OLFM3: variants seen among roughly 807,000 people sequenced by gnomAD.
The protein encoded by OLFM3 is olfactomedin 3.
OLFM3 carries 20 observed loss-of-function variants against 48.6 expected under a neutral mutation model. The observed-to-expected ratio is 0.41, with a 90% CI of 0.29 to 0.60. The LOEUF (loss-of-function observed/expected upper bound fraction) is 0.60. OLFM3 is among the 20% of genes least tolerant of loss of function. The probability of loss-of-function intolerance (pLI) is 0.28; values close to 1 mark genes in which losing one functional copy is unlikely to be tolerated. For synonymous variants in OLFM3, 222 were observed against 198.1 expected (o/e 1.12, Z -1.01); for missense variants, 437 against 544.3 (o/e 0.80, Z 1.96).
intron 1 of OLFM3, among the ~76,000 whole-genome samples, chr1:101,967,545 G>A (rs574218529): frequency 1.5e-5 from 2 of 133,492 alleles, no homozygotes; most frequent in South Asian, 4.9e-4. Flanking sequence ...TGGGATCCAA[G>A]GTGACTGCTC....
intron 1 of OLFM3, among the ~76,000 whole-genome samples, chr1:101,850,245 G>A (rs934029231): frequency 2.0e-5 from 3 of 152,052 alleles, no homozygotes; most frequent in African/African-American, 7.2e-5. Flanking sequence ...GAATTTCATA[G>A]TGGATCAATA....
intron 1 of OLFM3, among the ~76,000 whole-genome samples, chr1:101,915,523 CATA>C (rs1245101523): frequency 6.6e-6 from 1 of 152,072 alleles, no homozygotes; most frequent in African/African-American, 2.4e-5. Context: ...TGAAATTAAA[CATA>C]ATGATAATCA....
chr1:101,819,217 G>T (rs1654483152), intron 4 of OLFM3, among the ~76,000 whole-genome samples: 1 of 152,162 alleles, frequency 6.6e-6, no homozygotes, highest in South Asian at 2.1e-4. Context: ...GGTAAAGAAA[G>T]CATGCGCAAT....
Position 101,825,131 on chromosome 1 carries a change from C to T in OLFM3, c.487G>A (p.Val163Ile), listed in dbSNP as rs948356235. The T allele has an allele frequency of 5.6e-6, 9 of 1,613,990 alleles. No homozygotes were observed. Among genetic ancestry groups the T allele is most frequent in the South Asian group, 2.2e-5 (2 of 91,074 alleles). The change falls in exon 4 of 6, where the codon GTC becomes ATC. Residue 163 changes from valine to isoleucine, a missense_variant. By Grantham distance (29) the Val-to-Ile change is conservative (BLOSUM62 3). Around this residue, in one of 3 missense-constraint regions of OLFM3, gnomAD observed 314 missense variants for 365.5 expected, o/e 0.86. Coordinates refer to ENST00000370103, the MANE Select transcript of OLFM3 (RefSeq NM_058170.4). ...ATTTCCTCCTGAATACCAGTGAGGA[C>T]AGCAGACAGATTCCTTATTTCCTCC... ...FKEEIRNLSA[V>I]LTGIQEEIGA...
intron 1 of OLFM3, among the ~76,000 whole-genome samples, chr1:101,882,331 A>AT (rs1491099849): frequency 1.0e-3 from 108 of 107,396 alleles, no homozygotes; most frequent in African/African-American, 2.8e-3. Flanking sequence ...ATATATATAT[A>AT]ATATATATAT....
At chr1:101,847,147 G>T (rs4907956) in intron 1 of OLFM3, 266,262 of 748,190 alleles carry the variant, frequency 0.36, 51,440 homozygotes, top group Non-Finnish European at 0.39. Context: ...CGTGGGAAGT[G>T]CCCTGCCCTT....
chr1:101,849,096 C>T (rs540189100), intron 1 of OLFM3, among the ~76,000 whole-genome samples: 36 of 152,208 alleles, frequency 2.4e-4, no homozygotes, highest in African/African-American at 5.3e-4. Flanking sequence ...GTTTATGATT[C>T]GGCGATGTTT....
At chr1:101,907,519 T>C (rs1658593471) in intron 1 of OLFM3, among the ~76,000 whole-genome samples, 2 of 152,204 alleles carry the variant, frequency 1.3e-5, no homozygotes, top group South Asian at 2.1e-4. Flanking sequence ...GTGATGCTAA[T>C]TAGCAGAATT....
intron 1 of OLFM3, among the ~76,000 whole-genome samples, chr1:101,991,640 C>T (rs1435522955): frequency 6.6e-6 from 1 of 151,194 alleles, no homozygotes; most frequent in Admixed American, 6.6e-5. Context: ...CAAGTTTTTA[C>T]TTTACATTTC....
intron 1 of OLFM3, among the ~76,000 whole-genome samples, chr1:101,876,662 T>A (rs1202190692): frequency 6.6e-6 from 1 of 152,000 alleles, no homozygotes; most frequent in Non-Finnish European, 1.5e-5. Context: ...AGCATTAAAA[T>A]TCCAAATTAA....
intron 1 of OLFM3, chr1:101,860,054 A>G (rs893512624): frequency 6.6e-6 from 1 of 152,074 alleles, no homozygotes; most frequent in Non-Finnish European, 1.5e-5. Context: ...AATTAAGTGA[A>G]GTGCTAATGT....
intron 1 of OLFM3, chr1:101,910,271 T>A (rs1440564958): frequency 4.2e-6 from 1 of 237,684 alleles, no homozygotes; most frequent in African/African-American, 2.3e-5. Flanking sequence ...TCGAGACCAT[T>A]CTGGCTAACA....
intron 2 of OLFM3, 49 bp downstream of exon 2, chr1:101,836,830 G>T: frequency 1.3e-6 from 2 of 1,572,220 alleles, no homozygotes; most frequent in Non-Finnish European, 1.7e-6. Context: ...CCTTTTGAAA[G>T]AATGGTCGAT....
At chr1:101,830,576 G>A in intron 3 of OLFM3, 96 bp downstream of exon 3, 1 of 1,291,160 alleles carries the variant, frequency 7.7e-7, no homozygotes, top group South Asian at 1.2e-5. Flanking sequence ...TGCACATATG[G>A]GCCAATGCAC....
At chr1:101,884,067 G>C (rs1465373528) in intron 1 of OLFM3, among the ~76,000 whole-genome samples, 4 of 151,798 alleles carry the variant, frequency 2.6e-5, no homozygotes, top group African/African-American at 9.7e-5. Flanking sequence ...TGATCTAGAA[G>C]AATCTGCACC....
At chr1:101,948,385 T>A (rs1435268238) in intron 1 of OLFM3, among the ~76,000 whole-genome samples, 4 of 152,162 alleles carry the variant, frequency 2.6e-5, no homozygotes, top group African/African-American at 9.7e-5. Context: ...AAATCAATTA[T>A]CAGAGAAGAT....
chr1:101,888,200 TAAGC>T (rs1369113123), intron 1 of OLFM3, among the ~76,000 whole-genome samples: 1 of 152,146 alleles, frequency 6.6e-6, no homozygotes, highest in Non-Finnish European at 1.5e-5. Context: ...AAGACAATCC[TAAGC>T]AAAAAGAACA....
intron 1 of OLFM3, among the ~76,000 whole-genome samples, chr1:101,844,595 A>T (rs559127062): frequency 5.3e-5 from 8 of 152,106 alleles, no homozygotes; most frequent in Non-Finnish European, 1.2e-4. Flanking sequence ...GCTGAATTAG[A>T]TCAGTCATAT....
At chr1:101,932,295 T>A (rs931533292) in intron 1 of OLFM3, among the ~76,000 whole-genome samples, 1 of 152,192 alleles carries the variant, frequency 6.6e-6, no homozygotes, top group African/African-American at 2.4e-5. Context: ...GTAAGCATTT[T>A]AAAAGTGGAT....
Sources: gnomAD v4.1 joint callset for allele counts (sites outside exome capture counted in the v4.1 genomes callset) on GRCh38, gnomAD v4.1.1 for gene constraint, gnomAD v4.1.1 regional missense constraint, MANE v1.5 for transcripts, NCBI Gene and HGNC (gene_info 2026-07-23, HGNC 2026-07-21) for gene names.